PSMG2: variants seen among roughly 807,000 people sequenced by gnomAD.
The protein encoded by PSMG2 is CD40 ligand-activated specific transcript 3.
Under a neutral mutation model 31.5 loss-of-function variants are expected in PSMG2, and 21 were observed. The observed-to-expected ratio is 0.67, with a 90% CI of 0.47 to 0.96. PSMG2 has a LOEUF of 0.96. PSMG2 is among the 40% of genes least tolerant of loss of function. The pLI, the probability that PSMG2 is intolerant of heterozygous loss-of-function variation, is 0.00. For synonymous variants in PSMG2, 120 were observed against 110.4 expected (o/e 1.09, Z -0.54); for missense variants, 318 against 321.2 (o/e 0.99, Z 0.08).
chr18:12,712,850 T>C (rs2040344169), intron 3 of PSMG2, 90 bp downstream of exon 3: 1 of 981,718 alleles, frequency 1.0e-6, no homozygotes, highest in African/African-American at 1.6e-5. Context: ...ATTACTACTG[T>C]TTTTACCATA....
intron 1 of PSMG2, among the ~76,000 whole-genome samples, chr18:12,666,745 G>C (rs1446710638): frequency 6.7e-6 from 1 of 149,352 alleles, no homozygotes; most frequent in Non-Finnish European, 1.5e-5. Context: ...CACCACACCC[G>C]GCCAAAAAAA....
chr18:12,670,442 A>AT (rs1555641108), intron 1 of PSMG2: 2 of 152,212 alleles, frequency 1.3e-5, no homozygotes, highest in Non-Finnish European at 2.9e-5. Context: ...CATAAAAAGC[A>AT]TATTTATTAC....
intron 1 of PSMG2, among the ~76,000 whole-genome samples, chr18:12,682,804 T>TAG (rs748807419): frequency 2.6e-5 from 4 of 151,504 alleles, no homozygotes. Context: ...GTATTTTTAG[T>TAG]AGAGAGAGAG....
At chr18:12,688,852 C>T (rs779611733) in intron 1 of PSMG2, among the ~76,000 whole-genome samples, 64 of 152,270 alleles carry the variant, frequency 4.2e-4, no homozygotes, top group Non-Finnish European at 7.5e-4. Context: ...TGGTGGCTCA[C>T]GCCTATGATC....
chr18:12,720,992 A>G (rs1000146234), intron 5 of PSMG2, among the ~76,000 whole-genome samples: 2 of 152,098 alleles, frequency 1.3e-5, no homozygotes, highest in Non-Finnish European at 2.9e-5. Flanking sequence ...CATCCTGGCT[A>G]ATATGGTAAA....
In PSMG2 at chr18:12,691,254, T is replaced by C. The variant is rs1319763934; in HGVS notation, c.-36-15296T>C. ...AGCATTTTATTTTACAAATACACTT[T>C]TATTTTTTGGAATACATTTTACAAA... On this transcript the variant is annotated intron_variant, in intron 1 of 6. Coordinates refer to the PSMG2 transcript ENST00000585331. The C allele has an allele frequency of 2.1e-5, 15 of 721,280 alleles. No individual in the cohort carries two copies. The East Asian group carries it at 4.1e-4, about 20-fold the overall frequency. 44.7% of individuals were successfully genotyped at this position (721,280 alleles called of 1,614,324 possible).
At chr18:12,679,016 C>T (rs2039248413) in intron 1 of PSMG2, 1 of 152,032 alleles carries the variant, frequency 6.6e-6, no homozygotes, top group Non-Finnish European at 1.5e-5. Context: ...CATTTTTAGG[C>T]ACAACTAACC....
At chr18:12,708,840 G>A (rs1026816838) in intron 2 of PSMG2, among the ~76,000 whole-genome samples, 10 of 148,902 alleles carry the variant, frequency 6.7e-5, no homozygotes, top group Non-Finnish European at 1.5e-4. Context: ...CGAGTAGCTG[G>A]GATTACAGGT....
chr18:12,693,430 A>T (rs2039837447), intron 1 of PSMG2, among the ~76,000 whole-genome samples: 1 of 151,956 alleles, frequency 6.6e-6, no homozygotes, highest in African/African-American at 2.4e-5. Flanking sequence ...TAAAAAAATA[A>T]AATTTAATTA....
chr18:12,690,459 G>T (rs908579036), intron 1 of PSMG2, among the ~76,000 whole-genome samples: 30 of 149,466 alleles, frequency 2.0e-4, no homozygotes, highest in African/African-American at 7.0e-4. Context: ...CACATTTTTT[G>T]TTGTTTTTTT....
chr18:12,667,918 C>T (rs1208080564), intron 1 of PSMG2, among the ~76,000 whole-genome samples: 9 of 129,506 alleles, frequency 6.9e-5, no homozygotes, highest in South Asian at 2.4e-4. Flanking sequence ...GAAAAAAACA[C>T]GAGGGAAAAG....
At chr18:12,713,008 G>A (rs1358870125) in intron 3 of PSMG2, among the ~76,000 whole-genome samples, 1 of 152,148 alleles carries the variant, frequency 6.6e-6, no homozygotes, top group African/African-American at 2.4e-5. Context: ...GTGAAAAAAT[G>A]TAAGCATATT....
In PSMG2 at chr18:12,718,039, C is replaced by A. The variant is rs551327506; in HGVS notation, c.289-478C>A. ...TTTTTTTTTTTTTTTGAGAAAGTTT[C>A]ACTCGGTTCCCCCGGCTGGAGTGCA... On this transcript the variant is annotated intron_variant, in intron 3 of 6. Transcript: ENST00000317615. Among the ~76,000 whole-genome samples, 134 of 133,560 alleles carry A rather than the reference C, an allele frequency of 1.0e-3. 1 individual carries two copies. The highest frequency in any genetic ancestry group is 3.6e-3 in the African/African-American group (127 of 34,984). 87.6% of individuals were successfully genotyped at this position (133,560 alleles called of 152,430 possible).
At chr18:12,693,389 A>C (rs2039835060) in intron 1 of PSMG2, among the ~76,000 whole-genome samples, 1 of 152,018 alleles carries the variant, frequency 6.6e-6, no homozygotes, top group African/African-American at 2.4e-5. Flanking sequence ...ACACCACTGC[A>C]CTCAAGCCTG....
At chr18:12,693,213 AAT>A (rs2039830697) in intron 1 of PSMG2, among the ~76,000 whole-genome samples, 1 of 152,190 alleles carries the variant, frequency 6.6e-6, no homozygotes, top group Non-Finnish European at 1.5e-5. Flanking sequence ...AGAAATTATA[AAT>A]ATGACAGTGG....
chr18:12,708,312 C>G (rs1054692363), intron 2 of PSMG2, among the ~76,000 whole-genome samples: 1 of 151,882 alleles, frequency 6.6e-6, no homozygotes, highest in African/African-American at 2.4e-5. Flanking sequence ...ATACTTTCCA[C>G]TAGTGATAAC....
chr18:12,711,828 A>G (rs1480092990), intron 2 of PSMG2, among the ~76,000 whole-genome samples: 2 of 136,534 alleles, frequency 1.5e-5, no homozygotes, highest in South Asian at 2.2e-4. Flanking sequence ...ATCTCTGCTC[A>G]CTGCAAGCTC....
chr18:12,679,569 T>C (rs1251526333), intron 1 of PSMG2, among the ~76,000 whole-genome samples: 3 of 152,290 alleles, frequency 2.0e-5, no homozygotes, highest in South Asian at 2.1e-4. Context: ...TGACAAGGAC[T>C]CAGCTCTTAG....
At chr18:12,716,862 C>A in intron 3 of PSMG2, among the ~76,000 whole-genome samples, 1 of 151,836 alleles carries the variant, frequency 6.6e-6, no homozygotes, top group East Asian at 1.9e-4. Flanking sequence ...AAAGATTAAG[C>A]AATTGCCTGA....
Sources: gnomAD v4.1 joint callset for allele counts (sites outside exome capture counted in the v4.1 genomes callset) on GRCh38, gnomAD v4.1.1 for gene constraint, MANE v1.5 for transcripts, NCBI Gene and HGNC (gene_info 2026-07-23, HGNC 2026-07-21) for gene names.